GABRB3: variants seen among roughly 807,000 people sequenced by gnomAD.
GABRB3 encodes gamma-aminobutyric acid receptor subunit beta-3.
In GABRB3, 14 loss-of-function variants were observed where a neutral mutation model predicts 52.1. That is an observed-to-expected ratio of 0.27 (90% CI 0.18 to 0.42). The LOEUF (loss-of-function observed/expected upper bound fraction) is 0.42, where lower values mean the gene tolerates loss of function less well. Ranked by LOEUF, GABRB3 falls within the 10% of genes least tolerant of loss-of-function variation. The pLI is 1.00. For synonymous variants in GABRB3, 260 were observed against 232.3 expected (o/e 1.12, Z -1.08); for missense variants, 307 against 609.1 (o/e 0.50, Z 5.22).
In GABRB3 at chr15:26,603,804, C is replaced by T. The variant is rs558418831; in HGVS notation, c.461+17510G>A. 2.4e-4 allele frequency among the ~76,000 whole-genome samples: 36 copies of T among 151,994 alleles called. 1 individual carries two copies. The South Asian group carries it at 5.8e-3, about 25-fold the overall frequency. On this transcript the variant is annotated intron_variant, in intron 4 of 8. Coordinates refer to ENST00000311550, the MANE Select transcript of GABRB3 (RefSeq NM_000814.6). ...ATAAGAAAAGCCTGATATATCAAGCCCTAAGTTAGTATCATACTGAATGGG... is the reference window on the plus strand; with the variant it reads ...ATAAGAAAAGCCTGATATATCAAGCTCTAAGTTAGTATCATACTGAATGGG...
intron 4 of GABRB3, among the ~76,000 whole-genome samples, chr15:26,591,943 A>G (rs980417364): frequency 2.6e-5 from 4 of 152,092 alleles, no homozygotes; most frequent in African/African-American, 9.7e-5. Context: ...CTACTGTACT[A>G]TGCAGATTAC....
intron 3 of GABRB3, among the ~76,000 whole-genome samples, chr15:26,676,822 GATT>G (rs1888083070): frequency 6.6e-6 from 1 of 152,144 alleles, no homozygotes; most frequent in African/African-American, 2.4e-5. Context: ...TAAAATAAAT[GATT>G]ATGATTTCCA....
chr15:26,619,788 T>TTC (rs59161020), intron 4 of GABRB3, among the ~76,000 whole-genome samples: 27,490 of 151,938 alleles, frequency 0.18, 2,595 homozygotes, highest in African/African-American at 0.26. Context: ...TGATATTTGC[T>TTC]TTTTTGCTCT....
chr15:26,682,616 C>T (rs958225333), intron 3 of GABRB3, among the ~76,000 whole-genome samples: 1 of 152,220 alleles, frequency 6.6e-6, no homozygotes, highest in Non-Finnish European at 1.5e-5. Context: ...AGCTTTGCCC[C>T]TAACTAGCAG....
chr15:26,643,223 C>T (rs1595504674), intron 3 of GABRB3, among the ~76,000 whole-genome samples: 1 of 152,208 alleles, frequency 6.6e-6, no homozygotes, highest in African/African-American at 2.4e-5. Flanking sequence ...GCTGTTCTCC[C>T]CTGGTCTCCT....
At chr15:26,627,140 CAAT>C (rs1254504348) in intron 3 of GABRB3, among the ~76,000 whole-genome samples, 3 of 152,008 alleles carry the variant, frequency 2.0e-5, no homozygotes, top group Admixed American at 6.6e-5. Context: ...AAAAATCCAA[CAAT>C]AAAACCTGGG....
At chr15:26,741,720 T>C (rs993957681) in intron 3 of GABRB3, among the ~76,000 whole-genome samples, 2 of 152,122 alleles carry the variant, frequency 1.3e-5, no homozygotes, top group Non-Finnish European at 2.9e-5. Context: ...GGGATCCTCC[T>C]GCCTCAGCCT....
chr15:26,757,146 C>T (rs577278626), intron 3 of GABRB3, among the ~76,000 whole-genome samples: 2 of 152,246 alleles, frequency 1.3e-5, no homozygotes, highest in South Asian at 4.1e-4. Flanking sequence ...AAGAAAATTC[C>T]TGTTTCTTAT....
chr15:26,647,058 T>A (rs1887035603), intron 3 of GABRB3, among the ~76,000 whole-genome samples: 1 of 152,214 alleles, frequency 6.6e-6, no homozygotes, highest in Non-Finnish European at 1.5e-5. Context: ...TTAGCCAGGA[T>A]GGTCTCGATC....
chr15:26,754,565 T>C (rs890439468), intron 3 of GABRB3, among the ~76,000 whole-genome samples: 3 of 152,258 alleles, frequency 2.0e-5, no homozygotes, highest in Non-Finnish European at 4.4e-5. Flanking sequence ...ATTTTGTCTC[T>C]GCATCAGTAG....
intron 3 of GABRB3, among the ~76,000 whole-genome samples, chr15:26,763,639 C>CACACA (rs368390366): frequency 6.7e-6 from 1 of 148,394 alleles, no homozygotes; most frequent in Non-Finnish European, 1.5e-5. Context: ...CACACACACA[C>CACACA]CATGGAATAA....
chr15:26,708,041 T>A (rs895173194), intron 3 of GABRB3, among the ~76,000 whole-genome samples: 5 of 152,046 alleles, frequency 3.3e-5, no homozygotes, highest in Admixed American at 3.3e-4. Flanking sequence ...ACAGAAAAAA[T>A]TTCAGATTTT....
chr15:26,608,014 TA>T (rs989250947), intron 4 of GABRB3, among the ~76,000 whole-genome samples: 11 of 149,594 alleles, frequency 7.4e-5, no homozygotes, highest in African/African-American at 2.7e-4. Context: ...AAAGCAATCA[TA>T]GCAAAAGGAG....
chr15:26,641,476 A>G (rs1247870640), intron 3 of GABRB3, among the ~76,000 whole-genome samples: 2 of 152,244 alleles, frequency 1.3e-5, no homozygotes, highest in Non-Finnish European at 2.9e-5. Flanking sequence ...AACTGACACT[A>G]AAGGAGAAGG....
chr15:26,560,521 G>A (rs1595439821), intron 8 of GABRB3, among the ~76,000 whole-genome samples: 1 of 152,152 alleles, frequency 6.6e-6, no homozygotes, highest in Non-Finnish European at 1.5e-5. Flanking sequence ...CTGGTGAGAG[G>A]AAGAAAGCCT....
intron 3 of GABRB3, among the ~76,000 whole-genome samples, chr15:26,714,882 T>A (rs2114217): frequency 0.78 from 118,164 of 152,078 alleles, 46,495 homozygotes; most frequent in Admixed American, 0.84. Context: ...GACAAATCTG[T>A]AGTCTGTGGA....
At chr15:26,763,557 A>G (rs141418293) in intron 3 of GABRB3, among the ~76,000 whole-genome samples, 131 of 150,272 alleles carry the variant, frequency 8.7e-4, no homozygotes, top group African/African-American at 2.9e-3. Flanking sequence ...ATTACAATAA[A>G]TTATCCGAAT....
intron 3 of GABRB3, among the ~76,000 whole-genome samples, chr15:26,677,740 T>C (rs1344643769): frequency 6.6e-6 from 1 of 152,238 alleles, no homozygotes; most frequent in Non-Finnish European, 1.5e-5. Context: ...GTTATTTACT[T>C]TGAAGTTAAC....
rs1889900816 is a variant in GABRB3, at chr15:26,559,532, C to G, written c.1080+1400G>C. 2.0e-5 allele frequency among the ~76,000 whole-genome samples: 3 copies of G among 151,870 alleles called. No individual in the cohort carries two copies. In the South Asian group the frequency reaches 6.3e-4, roughly 32 times the overall value. ...TAAAAAAAAAATGTGGGAAGAAACC[C>G]AACATGTAAACAGGTAGAAATATAT... is the stretch of plus-strand genomic sequence containing the variant. On this transcript the variant is annotated intron_variant, in intron 8 of 8. Coordinates refer to ENST00000311550, the MANE Select transcript of GABRB3 (RefSeq NM_000814.6).
Sources: gnomAD v4.1 joint callset for allele counts (sites outside exome capture counted in the v4.1 genomes callset) on GRCh38, gnomAD v4.1.1 for gene constraint, MANE v1.5 for transcripts, NCBI Gene and HGNC (gene_info 2026-07-23, HGNC 2026-07-21) for gene names.